The following COX7B2 variants were observed in gnomAD, a reference collection of about 807,000 sequenced individuals.
COX7B2 encodes the protein cytochrome c oxidase subunit 7B2, also known as cytochrome c oxidase subunit 7B2, mitochondrial.
For missense variants in COX7B2, 109 were observed against 95.9 expected, an observed-to-expected ratio of 1.14 and a Z score of -0.57; for synonymous variants, 37 against 32.1, an observed-to-expected ratio of 1.15 and a Z score of -0.51.
In COX7B2 at chr4:46,794,553, C is replaced by T. The variant is rs139214516; in HGVS notation, c.-50+50407G>A. Among the ~76,000 whole-genome samples, 736 of 152,204 alleles carry T rather than the reference C, an allele frequency of 4.8e-3. 2 individuals carry two copies. The highest frequency in any genetic ancestry group is 0.016 in the African/African-American group (683 of 41,552). On this transcript the variant is annotated intron_variant, in intron 2 of 2. Coordinates refer to ENST00000355591, the MANE Select transcript of COX7B2 (RefSeq NM_130902.3). Reference sequence around the variant, plus strand: ...AGAAATAAATTTTTGAGGGGAGCCCCAGCATCCTTAAAGAGCTCTGTAATT... The same window carrying T: ...AGAAATAAATTTTTGAGGGGAGCCCTAGCATCCTTAAAGAGCTCTGTAATT...
chr4:46,739,792 T>C (rs1341548633), intron 2 of COX7B2, among the ~76,000 whole-genome samples: 1 of 151,956 alleles, frequency 6.6e-6, no homozygotes, highest in East Asian at 1.9e-4. Flanking sequence ...CACTACGTAA[T>C]AAGCATTGAA....
chr4:46,884,367 T>G (rs1375349591), intron 1 of COX7B2, among the ~76,000 whole-genome samples: 1 of 152,178 alleles, frequency 6.6e-6, no homozygotes, highest in South Asian at 2.1e-4. Flanking sequence ...TGCATTTCCT[T>G]TTTAAGAAAA....
chr4:46,762,071 CT>C (rs112226036), intron 2 of COX7B2, among the ~76,000 whole-genome samples: 3 of 150,466 alleles, frequency 2.0e-5, no homozygotes, highest in Admixed American at 6.7e-5. Context: ...TCCTTGTTCC[CT>C]TTTTTTCATA....
At chr4:46,828,201 G>A (rs1192648831) in intron 2 of COX7B2, among the ~76,000 whole-genome samples, 1 of 152,088 alleles carries the variant, frequency 6.6e-6, no homozygotes, top group Non-Finnish European at 1.5e-5. Flanking sequence ...ATTAAAGACA[G>A]GGAGGAATAT....
chr4:46,738,905 A>G (rs933116648), intron 2 of COX7B2, among the ~76,000 whole-genome samples: 13 of 152,222 alleles, frequency 8.5e-5, no homozygotes, highest in Non-Finnish European at 1.3e-4. Context: ...TGAAGTATTC[A>G]TTGAAGTTGA....
intron 2 of COX7B2, among the ~76,000 whole-genome samples, chr4:46,791,538 A>G (rs187208742): frequency 6.6e-6 from 1 of 152,320 alleles, no homozygotes; most frequent in Admixed American, 6.5e-5. Flanking sequence ...AGCTAGAACT[A>G]AATGCTCCCA....
intron 1 of COX7B2, among the ~76,000 whole-genome samples, chr4:46,853,976 T>A (rs1388933126): frequency 3.3e-5 from 5 of 152,170 alleles, no homozygotes; most frequent in Non-Finnish European, 7.4e-5. Context: ...TACTTGTGGA[T>A]AATTCAAGTG....
intron 2 of COX7B2, among the ~76,000 whole-genome samples, chr4:46,831,423 G>A (rs1715089838): frequency 6.6e-6 from 1 of 152,212 alleles, no homozygotes; most frequent in South Asian, 2.1e-4. Context: ...CCCAGGGGCT[G>A]AGGAGTGCGG....
intron 2 of COX7B2, among the ~76,000 whole-genome samples, chr4:46,834,799 C>T (rs1474452351): frequency 6.6e-6 from 1 of 151,844 alleles, no homozygotes; most frequent in Non-Finnish European, 1.5e-5. Flanking sequence ...TATTGTTTAT[C>T]ATAAACAGAA....
At chr4:46,904,662 G>A (rs1174016120) in intron 1 of COX7B2, among the ~76,000 whole-genome samples, 1 of 152,102 alleles carries the variant, frequency 6.6e-6, no homozygotes, top group Non-Finnish European at 1.5e-5. Context: ...TTTATCTTTT[G>A]ATACAGCAAT....
chr4:46,797,547 G>A (rs540003969), intron 2 of COX7B2, among the ~76,000 whole-genome samples: 1 of 152,258 alleles, frequency 6.6e-6, no homozygotes, highest in East Asian at 1.9e-4. Flanking sequence ...AGTGGGAGAA[G>A]CCAAGCGGAA....
chr4:46,759,894 T>C lies in COX7B2; in HGVS notation c.-49-24653A>G, dbSNP rs957018502. Among the ~76,000 whole-genome samples the C allele has an allele frequency of 4.0e-5, 6 of 150,100 alleles. No homozygotes were observed. The East Asian group carries it at 1.2e-3, about 29-fold the overall frequency. On this transcript the variant is annotated intron_variant, in intron 2 of 2. Transcript: ENST00000355591. Reference sequence around the variant, plus strand: ...TATAAGTCATATCTTATATAAGTTATATAAGTCTTATCTTATATAAGTTAT... The same window carrying C: ...TATAAGTCATATCTTATATAAGTTACATAAGTCTTATCTTATATAAGTTAT...
At chr4:46,763,181 C>CAATATATATTTATATAT (rs1238063513) in intron 2 of COX7B2, among the ~76,000 whole-genome samples, 1 of 129,180 alleles carries the variant, frequency 7.7e-6, no homozygotes, top group African/African-American at 2.9e-5. Flanking sequence ...TATTTATATA[C>CAATATATATTTATATAT]TGTAAATATA....
At chr4:46,893,289 C>A (rs58794154) in intron 1 of COX7B2, among the ~76,000 whole-genome samples, 3,868 of 152,202 alleles carry the variant, frequency 0.025, 89 homozygotes, top group Admixed American at 0.065. Context: ...AAAATTTGTT[C>A]CTTTATAGCA....
At chr4:46,767,418 T>G (rs1277609248) in intron 2 of COX7B2, among the ~76,000 whole-genome samples, 1 of 152,206 alleles carries the variant, frequency 6.6e-6, no homozygotes, top group East Asian at 1.9e-4. Context: ...TAAGGAACTT[T>G]AGTACCCCAC....
chr4:46,761,756 A>G (rs1047259322), intron 2 of COX7B2, among the ~76,000 whole-genome samples: 1 of 152,018 alleles, frequency 6.6e-6, no homozygotes, highest in Admixed American at 6.6e-5. Flanking sequence ...CAGACCTTTG[A>G]AAGTACTAGG....
chr4:46,881,379 G>A (rs1489301003), intron 1 of COX7B2, among the ~76,000 whole-genome samples: 1 of 152,190 alleles, frequency 6.6e-6, no homozygotes, highest in Non-Finnish European at 1.5e-5. Context: ...TACACAAATG[G>A]TTACATTCTT....
At chr4:46,787,187 C>T (rs889611646) in intron 2 of COX7B2, among the ~76,000 whole-genome samples, 3 of 152,192 alleles carry the variant, frequency 2.0e-5, no homozygotes, top group East Asian at 1.9e-4. Context: ...GTGGCTCACG[C>T]CTGTAATCCC....
In COX7B2 at chr4:46,882,251, G is replaced by A. The variant is rs187804045; in HGVS notation, c.-105+26909C>T. On this transcript the variant is annotated intron_variant, in intron 1 of 2. Transcript: ENST00000355591. ...TTTAGAGTATGTACCATTTGGCGAC[G>A]AGAAGAATGTGTATTCTGTTGTTTT... 3.9e-3 allele frequency among the ~76,000 whole-genome samples: 595 copies of A among 152,274 alleles called. 6 individuals are homozygous for A. The highest frequency in any genetic ancestry group is 0.014 in the African/African-American group (578 of 41,558).
Sources: allele counts gnomAD v4.1 joint callset (sites outside exome capture counted in the v4.1 genomes callset), GRCh38; gene constraint gnomAD v4.1.1; transcripts MANE v1.5; gene names NCBI Gene and HGNC (gene_info 2026-07-23, HGNC 2026-07-21).